The following PIP5K1B variants were observed in gnomAD, a reference collection of about 807,000 sequenced individuals.
PIP5K1B encodes the protein phosphatidylinositol-4-phosphate 5-kinase type 1 beta.
PIP5K1B carries 42 observed loss-of-function variants against 67.0 expected under a neutral mutation model. The ratio of observed to expected loss-of-function variants is 0.63; its 90% confidence interval spans 0.49 to 0.81. The LOEUF is 0.81. Ranked by LOEUF, PIP5K1B falls within the 30% of genes least tolerant of loss-of-function variation. The probability of loss-of-function intolerance (pLI) is 0.00; values close to 1 mark genes in which losing one functional copy is unlikely to be tolerated. For missense variants in PIP5K1B, 459 were observed against 646.3 expected, an observed-to-expected ratio of 0.71 and a Z score of 3.14; for synonymous variants, 214 against 231.4, an observed-to-expected ratio of 0.92 and a Z score of 0.68.
At chr9:68,761,180 C>T (rs549853732) in intron 2 of PIP5K1B, among the ~76,000 whole-genome samples, 1 of 152,158 alleles carries the variant, frequency 6.6e-6, no homozygotes, top group African/African-American at 2.4e-5. Flanking sequence ...CCAGATGTTC[C>T]TCTCTGAGGT....
chr9:68,992,111 A>T (rs892627009), intron 15 of PIP5K1B, among the ~76,000 whole-genome samples: 2 of 152,082 alleles, frequency 1.3e-5, no homozygotes, highest in Admixed American at 1.3e-4. Context: ...GATTACAGGC[A>T]TGTGCCACCA....
At chr9:68,786,457 G>T (rs181956041) in intron 2 of PIP5K1B, among the ~76,000 whole-genome samples, 1 of 145,594 alleles carries the variant, frequency 6.9e-6, no homozygotes, top group Non-Finnish European at 1.5e-5. Context: ...GGCCCTTTTG[G>T]TTTTTTTATT....
At chr9:69,005,881 C>CTTCTTTT (rs569391858) in intron 15 of PIP5K1B, among the ~76,000 whole-genome samples, 2 of 147,100 alleles carry the variant, frequency 1.4e-5, no homozygotes, top group African/African-American at 5.0e-5. Flanking sequence ...TCATTTCTTT[C>CTTCTTTT]TTTTTTTTTT....
intron 12 of PIP5K1B, among the ~76,000 whole-genome samples, chr9:68,925,376 C>T (rs548773163): frequency 6.6e-6 from 1 of 152,278 alleles, no homozygotes; most frequent in African/African-American, 2.4e-5. Flanking sequence ...TCTGCCAGCC[C>T]TTAGCCAGCA....
chr9:68,801,163 A>T (rs1314529308), intron 2 of PIP5K1B, among the ~76,000 whole-genome samples: 1 of 152,092 alleles, frequency 6.6e-6, no homozygotes, highest in Non-Finnish European at 1.5e-5. Context: ...TGAGGAGGGG[A>T]TGGAGAGGGT....
intron 2 of PIP5K1B, among the ~76,000 whole-genome samples, chr9:68,809,934 C>G (rs575444097): frequency 6.6e-6 from 1 of 152,148 alleles, no homozygotes; most frequent in Non-Finnish European, 1.5e-5. Context: ...ATTATGGCCC[C>G]GGGCCTAGCT....
chr9:68,904,052 T>C (rs1333995298), intron 8 of PIP5K1B, among the ~76,000 whole-genome samples: 1 of 150,434 alleles, frequency 6.6e-6, no homozygotes, highest in Non-Finnish European at 1.5e-5. Context: ...CCATGTGAAG[T>C]GAGTGGTATG....
intron 3 of PIP5K1B, among the ~76,000 whole-genome samples, chr9:68,820,351 G>T (rs757277834): frequency 3.9e-5 from 6 of 152,190 alleles, no homozygotes; most frequent in Non-Finnish European, 7.3e-5. Flanking sequence ...GAAAACAATA[G>T]TTTGTGAAAC....
rs5898051 is a variant in PIP5K1B, at chr9:68,920,359, CTTT to C, written c.1116+654_1116+656del. 7.7e-4 allele frequency among the ~76,000 whole-genome samples: 76 copies of C among 98,362 alleles called. 13 individuals are homozygous for C. The highest frequency in any genetic ancestry group is 2.5e-3 in the African/African-American group (68 of 27,482). 64.5% of individuals were successfully genotyped at this position (98,362 alleles called of 152,430 possible). A position where few individuals can be genotyped will look rare whatever the true frequency, so the allele number is the denominator to read the frequency against. On this transcript the variant is annotated intron_variant, in intron 11 of 15. Coordinates refer to ENST00000265382, the MANE Select transcript of PIP5K1B (RefSeq NM_003558.4). ...ATACATGCTGGCTGCCTGAGGTTGT[CTTT>C]TTTTTTTTTTTTTTTTTTTTTTTGA...
chr9:68,869,876 A>C (rs1357936475), intron 5 of PIP5K1B, among the ~76,000 whole-genome samples: 1 of 152,178 alleles, frequency 6.6e-6, no homozygotes, highest in Non-Finnish European at 1.5e-5. Context: ...GATCTATACA[A>C]ACATTCTGCA....
chr9:68,873,700 G>A (rs756861335), intron 5 of PIP5K1B, among the ~76,000 whole-genome samples: 12 of 151,878 alleles, frequency 7.9e-5, no homozygotes, highest in Non-Finnish European at 1.5e-4. Context: ...TCATCCAAAT[G>A]TGTTAGGGGC....
chr9:69,004,521 C>G (rs983394613), intron 15 of PIP5K1B, among the ~76,000 whole-genome samples: 3 of 152,172 alleles, frequency 2.0e-5, no homozygotes, highest in Admixed American at 2.0e-4. Flanking sequence ...CGTGAGGTCT[C>G]TGATCCCTGA....
At chr9:68,957,430 T>A (rs1828459373) in intron 14 of PIP5K1B, among the ~76,000 whole-genome samples, 1 of 152,058 alleles carries the variant, frequency 6.6e-6, no homozygotes, top group South Asian at 2.1e-4. Context: ...GATATCTTTT[T>A]TTCACCCATC....
intron 2 of PIP5K1B, chr9:68,789,478 A>G: frequency 3.9e-6 from 2 of 518,344 alleles, no homozygotes; most frequent in Non-Finnish European, 3.9e-6. Flanking sequence ...CCACAAAAAA[A>G]GATCTTGTGG....
chr9:68,903,512 G>A (rs973324766), intron 8 of PIP5K1B, among the ~76,000 whole-genome samples: 1 of 152,162 alleles, frequency 6.6e-6, no homozygotes, highest in Non-Finnish European at 1.5e-5. Flanking sequence ...GTGGCAACTG[G>A]TGTCGCCATT....
intron 14 of PIP5K1B, among the ~76,000 whole-genome samples, chr9:68,947,461 G>A (rs1477561849): frequency 1.3e-5 from 2 of 152,182 alleles, no homozygotes; most frequent in African/African-American, 2.4e-5. Flanking sequence ...TGACTGACAG[G>A]ACCTAGTCAA....
chr9:68,973,429 A>G lies in PIP5K1B; in HGVS notation c.1503-17711A>G, dbSNP rs1587743742. Among the ~76,000 whole-genome samples, 3 of 152,336 alleles carry G rather than the reference A, an allele frequency of 2.0e-5. No homozygotes were observed. The South Asian group carries it at 6.2e-4, about 32-fold the overall frequency. On this transcript the variant is annotated intron_variant, in intron 14 of 15. Coordinates refer to ENST00000265382, the MANE Select transcript of PIP5K1B (RefSeq NM_003558.4). ...AAGATAGACATTATCCAAAATAACT[A>G]AAGCTTAAATGGGACTCTGAAAATG...
intron 14 of PIP5K1B, among the ~76,000 whole-genome samples, chr9:68,967,373 T>C (rs1261511333): frequency 6.6e-6 from 1 of 152,170 alleles, no homozygotes; most frequent in East Asian, 1.9e-4. Flanking sequence ...CAGAACTCCA[T>C]CAGGCTGGGT....
intron 14 of PIP5K1B, among the ~76,000 whole-genome samples, chr9:68,964,441 T>C (rs936333837): frequency 1.3e-5 from 2 of 152,212 alleles, no homozygotes; most frequent in East Asian, 1.9e-4. Context: ...TTTGAATAAA[T>C]TGGCATCTCA....
Sources: gnomAD v4.1 joint callset for allele counts (sites outside exome capture counted in the v4.1 genomes callset) on GRCh38, gnomAD v4.1.1 for gene constraint, MANE v1.5 for transcripts, NCBI Gene and HGNC (gene_info 2026-07-23, HGNC 2026-07-21) for gene names.